Variants in CSGALNACT1 observed in about 807,000 individuals in gnomAD.
CSGALNACT1 encodes beta4GalNAcT-1.
CSGALNACT1 carries 52 observed loss-of-function variants against 51.0 expected under a neutral mutation model. The observed-to-expected ratio is 1.02, with a 90% CI of 0.82 to 1.29. The LOEUF (loss-of-function observed/expected upper bound fraction) is 1.29, where lower values mean the gene tolerates loss of function less well. Ranked by LOEUF, CSGALNACT1 falls within the 50% of genes most tolerant of loss-of-function variation. The pLI is 0.00. For synonymous variants in CSGALNACT1, 341 were observed against 254.4 expected (o/e 1.34, Z -3.24); for missense variants, 935 against 679.2 (o/e 1.38, Z -4.19).
intron 1 of CSGALNACT1, among the ~76,000 whole-genome samples, chr8:19,612,557 T>G (rs909931339): frequency 1.3e-5 from 2 of 152,044 alleles, no homozygotes; most frequent in African/African-American, 4.8e-5. Flanking sequence ...GACTTCCCTG[T>G]TCTGCTAGGC....
At chr8:19,506,168 G>C in intron 3 of CSGALNACT1, 38 bp from the exon 3 acceptor site, 11 of 520,438 alleles carry the variant, frequency 2.1e-5, no homozygotes, top group Non-Finnish European at 1.8e-5. Flanking sequence ...ACTTAATCAA[G>C]ACAACGACTC....
intron 3 of CSGALNACT1, among the ~76,000 whole-genome samples, chr8:19,537,141 T>C (rs949421098): frequency 4.6e-5 from 7 of 152,210 alleles, no homozygotes; most frequent in Non-Finnish European, 8.8e-5. Flanking sequence ...TCTTTCCTCA[T>C]GAGTAAGCAG....
intron 2 of CSGALNACT1, among the ~76,000 whole-genome samples, chr8:19,600,648 GTAT>G (rs1564217400): frequency 6.6e-6 from 1 of 152,000 alleles, no homozygotes; most frequent in African/African-American, 2.4e-5. Flanking sequence ...ATTTTTGTTT[GTAT>G]TATTAACTTT....
intron 5 of CSGALNACT1, among the ~76,000 whole-genome samples, chr8:19,455,959 C>G (rs2064001694): frequency 6.6e-6 from 1 of 152,208 alleles, no homozygotes; most frequent in Non-Finnish European, 1.5e-5. Context: ...GCCACCCATC[C>G]CTTCCTACCT....
At chr8:19,454,789 TA>T (rs5889872) in intron 5 of CSGALNACT1, among the ~76,000 whole-genome samples, 156 of 149,478 alleles carry the variant, frequency 1.0e-3, no homozygotes, top group East Asian at 2.7e-3. Context: ...CAAAATGTAG[TA>T]AAAAAAAAAA....
intron 1 of CSGALNACT1, among the ~76,000 whole-genome samples, chr8:19,719,015 C>T (rs758751405): frequency 3.3e-5 from 5 of 152,202 alleles, no homozygotes; most frequent in East Asian, 3.9e-4. Context: ...GTAGACACTG[C>T]GAACTGTGTA....
At chr8:19,438,294 C>A (rs2060728116) in intron 6 of CSGALNACT1, among the ~76,000 whole-genome samples, 1 of 152,182 alleles carries the variant, frequency 6.6e-6, no homozygotes, top group Admixed American at 6.5e-5. Flanking sequence ...ACTTTAGAAT[C>A]ATCCGGGAAA....
chr8:19,634,464 C>T (rs909217831), intron 1 of CSGALNACT1, among the ~76,000 whole-genome samples: 1 of 152,032 alleles, frequency 6.6e-6, no homozygotes, highest in South Asian at 2.1e-4. Flanking sequence ...GAGTTCCAGA[C>T]CAGCCTGGGA....
chr8:19,543,137 G>A (rs2085630369), intron 3 of CSGALNACT1, among the ~76,000 whole-genome samples: 2 of 152,154 alleles, frequency 1.3e-5, no homozygotes, highest in South Asian at 4.1e-4. Flanking sequence ...AAAACTAGAT[G>A]TATATTATAT....
intron 3 of CSGALNACT1, among the ~76,000 whole-genome samples, chr8:19,570,484 C>T (rs1261594206): frequency 1.3e-5 from 2 of 152,118 alleles, no homozygotes; most frequent in African/African-American, 4.8e-5. Context: ...CTAATCCGGA[C>T]ACAAACAGAG....
rs140492876 is a variant in CSGALNACT1, at chr8:19,582,398, C to A, written c.-297+8762G>T. On this transcript the variant is annotated intron_variant, in intron 3 of 9. Coordinates refer to ENST00000454498, the Ensembl canonical transcript of CSGALNACT1. ...GTATGGTCCAAGTTGAGGAAAAGAACCTTTATTGCTTATTTCCCCTCAAAG... is the reference window on the plus strand; with the variant it reads ...GTATGGTCCAAGTTGAGGAAAAGAAACTTTATTGCTTATTTCCCCTCAAAG... Among the ~76,000 whole-genome samples the A allele has an allele frequency of 2.6e-5, 4 of 152,230 alleles. No individual in the cohort carries two copies. In the East Asian group the frequency reaches 5.8e-4, roughly 22 times the overall value.
chr8:19,584,978 T>C (rs183544136), intron 3 of CSGALNACT1, among the ~76,000 whole-genome samples: 1 of 152,308 alleles, frequency 6.6e-6, no homozygotes, highest in Admixed American at 6.5e-5. Flanking sequence ...GTCTGAATTC[T>C]AGTCCTATCA....
At chr8:19,673,413 A>G (rs756671644) in intron 1 of CSGALNACT1, among the ~76,000 whole-genome samples, 8 of 152,224 alleles carry the variant, frequency 5.3e-5, no homozygotes, top group Non-Finnish European at 8.8e-5. Flanking sequence ...ATCATTCATC[A>G]TCATGAGATC....
Position 19,548,569 on chromosome 8 carries a change from T to C in CSGALNACT1, c.-296-42439A>G, listed in dbSNP as rs374118453. Among the ~76,000 whole-genome samples, 3 of 110,452 alleles carry C rather than the reference T, an allele frequency of 2.7e-5. No homozygotes were observed. In the East Asian group the frequency reaches 7.9e-4, roughly 29 times the overall value. 72.5% of individuals were successfully genotyped at this position (110,452 alleles called of 152,430 possible). A position where few individuals can be genotyped will look rare whatever the true frequency, so the allele number is the denominator to read the frequency against. ...TGTTAGTTTTTCTCAAATATTATTTTTAAAACATTTTGTGAAATATGTTAA... is the reference window on the plus strand; with the variant it reads ...TGTTAGTTTTTCTCAAATATTATTTCTAAAACATTTTGTGAAATATGTTAA... On this transcript the variant is annotated intron_variant, in intron 3 of 9. Transcript: ENST00000454498.
intron 3 of CSGALNACT1, among the ~76,000 whole-genome samples, chr8:19,507,468 T>A (rs1176226849): frequency 7.2e-6 from 1 of 139,432 alleles, no homozygotes; most frequent in Non-Finnish European, 1.5e-5. Context: ...AGCACACTCC[T>A]CTTCAGATGT....
intron 3 of CSGALNACT1, among the ~76,000 whole-genome samples, chr8:19,533,391 G>C (rs2083159225): frequency 6.6e-6 from 1 of 152,066 alleles, no homozygotes; most frequent in South Asian, 2.1e-4. Flanking sequence ...CAAAGCATTA[G>C]GATTACAGTC....
At chr8:19,707,037 C>T (rs1044927736) in intron 1 of CSGALNACT1, among the ~76,000 whole-genome samples, 4 of 151,800 alleles carry the variant, frequency 2.6e-5, no homozygotes, top group Non-Finnish European at 5.9e-5. Flanking sequence ...AGGAGAGAGG[C>T]CGGGAAGCTC....
At chr8:19,679,602 G>A (rs2060447477) in intron 1 of CSGALNACT1, among the ~76,000 whole-genome samples, 1 of 152,132 alleles carries the variant, frequency 6.6e-6, no homozygotes, top group Non-Finnish European at 1.5e-5. Flanking sequence ...TAAAAAGCTA[G>A]GATACTCGCT....
chr8:19,514,475 C>CTATATATATATATATACATATATA (rs2079086873), intron 3 of CSGALNACT1, among the ~76,000 whole-genome samples: 1 of 78,782 alleles, frequency 1.3e-5, no homozygotes, highest in African/African-American at 6.0e-5. Flanking sequence ...TGAACAGAGA[C>CTATATATATATATATACATATATA]TATATATATA....
Sources: gnomAD v4.1 joint callset for allele counts (sites outside exome capture counted in the v4.1 genomes callset) on GRCh38, gnomAD v4.1.1 for gene constraint, MANE v1.5 for transcripts, NCBI Gene and HGNC (gene_info 2026-07-23, HGNC 2026-07-21) for gene names.